ARB2A: variants seen among roughly 807,000 people sequenced by gnomAD.
ARB2A encodes ARB2 cotranscriptional regulator A, also known as cotranscriptional regulator ARB2A.
the ARB2A span, chr5:93,805,853 T>C: frequency 1.0e-6 from 1 of 985,060 alleles, no homozygotes; most frequent in South Asian, 4.7e-5. Context: ...ATACAGTCAA[T>C]GGTTCTTCCA....
the ARB2A span, among the ~76,000 whole-genome samples, chr5:93,926,758 AT>A: frequency 5.6e-3 from 796 of 141,424 alleles, no homozygotes; most frequent in Middle Eastern, 0.011. Context: ...TTGAAAGAAG[AT>A]TTTTTTTTTT....
the ARB2A span, among the ~76,000 whole-genome samples, chr5:93,942,069 G>A: frequency 2.6e-5 from 4 of 152,134 alleles, no homozygotes; most frequent in African/African-American, 7.2e-5. Context: ...GTTTCTCCCC[G>A]CTCTACCCCA....
At chr5:93,909,871 C>T in the ARB2A span, among the ~76,000 whole-genome samples, 1 of 150,562 alleles carries the variant, frequency 6.6e-6, no homozygotes, top group African/African-American at 2.4e-5. Flanking sequence ...AAAATTTTTG[C>T]AGAGAAAGAT....
chr5:93,788,742 C>T, the ARB2A span, among the ~76,000 whole-genome samples: 1 of 152,126 alleles, frequency 6.6e-6, no homozygotes, highest in Non-Finnish European at 1.5e-5. Context: ...TAGAGAGATG[C>T]CTTAATTTAC....
the ARB2A span, among the ~76,000 whole-genome samples, chr5:94,101,190 C>T: frequency 6.6e-6 from 1 of 151,990 alleles, no homozygotes; most frequent in African/African-American, 2.4e-5. Flanking sequence ...GGCCAAGAAG[C>T]ATATGAAAAA....
the ARB2A span, among the ~76,000 whole-genome samples, chr5:93,770,899 A>G: frequency 6.6e-6 from 1 of 152,210 alleles, no homozygotes; most frequent in Admixed American, 6.5e-5. Flanking sequence ...TATAGATTCA[A>G]TGCCATCCCC....
the ARB2A span, among the ~76,000 whole-genome samples, chr5:93,919,608 T>C: frequency 6.6e-6 from 1 of 152,166 alleles, no homozygotes; most frequent in African/African-American, 2.4e-5. Flanking sequence ...CTTTGTAAGT[T>C]TAGGTTATTA....
chr5:93,845,782 T>G, the ARB2A span, among the ~76,000 whole-genome samples: 1 of 152,148 alleles, frequency 6.6e-6, no homozygotes, highest in South Asian at 2.1e-4. Context: ...GGCGTAAGAT[T>G]AAGTGTTCCA....
chr5:93,872,110 G>A, the ARB2A span, among the ~76,000 whole-genome samples: 1 of 151,792 alleles, frequency 6.6e-6, no homozygotes, highest in Non-Finnish European at 1.5e-5. Flanking sequence ...CACCATGCCC[G>A]GCTATTTTTG....
the ARB2A span, among the ~76,000 whole-genome samples, chr5:93,692,685 G>A: frequency 6.6e-6 from 1 of 152,048 alleles, no homozygotes; most frequent in Non-Finnish European, 1.5e-5. Context: ...ACTCAGCTCT[G>A]GACTAAGCAG....
the ARB2A span, among the ~76,000 whole-genome samples, chr5:93,841,506 G>A: frequency 3.9e-5 from 6 of 152,132 alleles, no homozygotes; most frequent in East Asian, 1.9e-4. Context: ...TATCTGAGGC[G>A]TGAAGGAGGG....
the ARB2A span, among the ~76,000 whole-genome samples, chr5:93,631,180 A>G: frequency 6.6e-6 from 1 of 152,090 alleles, no homozygotes; most frequent in Non-Finnish European, 1.5e-5. Flanking sequence ...CCACCATGCC[A>G]GGCCGTAAAT....
the ARB2A span, among the ~76,000 whole-genome samples, chr5:93,835,078 G>A: frequency 1.3e-5 from 2 of 152,260 alleles, no homozygotes; most frequent in Admixed American, 6.5e-5. Flanking sequence ...AGAGTGCATA[G>A]GATATTTACC....
chr5:93,942,057 T>C, the ARB2A span, among the ~76,000 whole-genome samples: 97 of 152,278 alleles, frequency 6.4e-4, no homozygotes, highest in African/African-American at 2.3e-3. Context: ...AAACTGAACA[T>C]AGTTTCTCCC....
the ARB2A span, among the ~76,000 whole-genome samples, chr5:93,711,828 G>A: frequency 6.6e-6 from 1 of 152,220 alleles, no homozygotes; most frequent in African/African-American, 2.4e-5. Context: ...AGAAACCCAT[G>A]CCCAATCATG....
the ARB2A span, among the ~76,000 whole-genome samples, chr5:93,793,882 C>G: frequency 1.3e-5 from 2 of 152,252 alleles, no homozygotes; most frequent in Admixed American, 1.3e-4. Context: ...CCAAAATGGC[C>G]CTTCAGAGTT....
chr5:93,804,243 A>G, the ARB2A span, among the ~76,000 whole-genome samples: 2 of 152,144 alleles, frequency 1.3e-5, no homozygotes, highest in African/African-American at 4.8e-5. Context: ...AAATGCTTAA[A>G]GGCAGAAAAA....
the ARB2A span, among the ~76,000 whole-genome samples, chr5:93,938,525 A>G: frequency 6.6e-6 from 1 of 152,302 alleles, no homozygotes; most frequent in Non-Finnish European, 1.5e-5. Context: ...TTTTTTGTCC[A>G]AAGTGAACAC....
the ARB2A span, among the ~76,000 whole-genome samples, chr5:93,704,405 A>C: frequency 6.6e-6 from 1 of 151,488 alleles, no homozygotes; most frequent in Non-Finnish European, 1.5e-5. Context: ...CAAAACAAAA[A>C]TAAATAAAAT....
Sources: allele counts gnomAD v4.1 joint callset (sites outside exome capture counted in the v4.1 genomes callset), GRCh38; gene constraint gnomAD v4.1.1; transcripts MANE v1.5; gene names NCBI Gene and HGNC (gene_info 2026-07-23, HGNC 2026-07-21).